SORCS1: variants seen among roughly 807,000 people sequenced by gnomAD.
The protein encoded by SORCS1 is VPS10 domain-containing receptor SorCS1.
In SORCS1, 60 loss-of-function variants were observed where a neutral mutation model predicts 146.1. The ratio of observed to expected loss-of-function variants is 0.41; its 90% CI spans 0.33 to 0.51. The LOEUF is 0.51. SORCS1 is among the 20% of genes least tolerant of loss of function. The pLI is 0.21. For missense variants in SORCS1, 1,352 were observed against 1,487.6 expected, an observed-to-expected ratio of 0.91 and a Z score of 1.50; for synonymous variants, 637 against 584.0, an observed-to-expected ratio of 1.09 and a Z score of -1.31.
At chr10:106,801,753 A>C (rs560233739) in intron 3 of SORCS1, among the ~76,000 whole-genome samples, 64 of 152,218 alleles carry the variant, frequency 4.2e-4, no homozygotes, top group African/African-American at 1.5e-3. Context: ...GACGGTCTCG[A>C]TCTCCTGACC....
At chr10:106,921,515 G>C (rs2138410516) in intron 2 of SORCS1, among the ~76,000 whole-genome samples, 1 of 152,210 alleles carries the variant, frequency 6.6e-6, no homozygotes, top group East Asian at 1.9e-4. Flanking sequence ...TCCTCTATTT[G>C]ATTGAAGAGC....
chr10:106,626,704 G>A (rs1848135631), intron 19 of SORCS1, among the ~76,000 whole-genome samples: 2 of 152,152 alleles, frequency 1.3e-5, no homozygotes, highest in African/African-American at 4.8e-5. Context: ...AAGAGTTTGT[G>A]GGCATAGCAA....
intron 2 of SORCS1, among the ~76,000 whole-genome samples, chr10:106,944,639 T>C (rs1231800135): frequency 1.3e-5 from 2 of 152,198 alleles, no homozygotes; most frequent in Admixed American, 6.5e-5. Context: ...TCTATGTATG[T>C]ACGTATTTAT....
chr10:106,878,632 A>ATATATGTATATATATATATATATATATG (rs1564765017), intron 2 of SORCS1, among the ~76,000 whole-genome samples: 2 of 133,922 alleles, frequency 1.5e-5, no homozygotes, highest in African/African-American at 2.7e-5. Context: ...ATATATATAT[A>ATATATGTATATATATATATATATATATG]TATATATATA....
At chr10:107,110,658 A>G (rs1385193411) in intron 1 of SORCS1, among the ~76,000 whole-genome samples, 1 of 147,780 alleles carries the variant, frequency 6.8e-6, no homozygotes, top group African/African-American at 2.5e-5. Context: ...TGGGGATTAC[A>G]ATTCAACGTG....
the SORCS1 span, among the ~76,000 whole-genome samples, chr10:107,174,110 CCATT>C: frequency 6.6e-6 from 1 of 152,070 alleles, no homozygotes; most frequent in Non-Finnish European, 1.5e-5. Context: ...GACCTCCCAT[CCATT>C]AATATATTAT....
At chr10:106,809,973 C>A (rs1947377327) in intron 3 of SORCS1, among the ~76,000 whole-genome samples, 1 of 152,218 alleles carries the variant, frequency 6.6e-6, no homozygotes, top group Admixed American at 6.5e-5. Flanking sequence ...GTAATCCCAG[C>A]ATTTCGGAAG....
intron 3 of SORCS1, among the ~76,000 whole-genome samples, chr10:106,813,384 C>T (rs770632728): frequency 6.6e-6 from 1 of 151,800 alleles, no homozygotes; most frequent in Non-Finnish European, 1.5e-5. Flanking sequence ...CTACCTACCT[C>T]GGCCTCCCAA....
chr10:106,771,510 C>G (rs1860021206), intron 4 of SORCS1, among the ~76,000 whole-genome samples: 1 of 152,192 alleles, frequency 6.6e-6, no homozygotes, highest in African/African-American at 2.4e-5. Flanking sequence ...CTTATCTGCT[C>G]AGTTTCCAAA....
intron 23 of SORCS1, among the ~76,000 whole-genome samples, chr10:106,599,938 T>G (rs1328129483): frequency 6.6e-6 from 1 of 151,782 alleles, no homozygotes; most frequent in Non-Finnish European, 1.5e-5. Flanking sequence ...CATCCGGCTA[T>G]TTTGTTGTTT....
At chr10:106,832,885 T>C (rs1436851062) in intron 2 of SORCS1, among the ~76,000 whole-genome samples, 2 of 152,168 alleles carry the variant, frequency 1.3e-5, no homozygotes, top group Non-Finnish European at 2.9e-5. Flanking sequence ...TAATTTCTAT[T>C]AACTTGATCC....
chr10:107,019,385 C>A (rs529005607), intron 1 of SORCS1, among the ~76,000 whole-genome samples: 2 of 152,146 alleles, frequency 1.3e-5, no homozygotes, highest in Non-Finnish European at 2.9e-5. Flanking sequence ...TCAGCATAGT[C>A]CCTATCATTC....
At chr10:106,673,657 T>C (rs1266422891) in intron 14 of SORCS1, among the ~76,000 whole-genome samples, 2 of 152,222 alleles carry the variant, frequency 1.3e-5, no homozygotes, top group Non-Finnish European at 2.9e-5. Flanking sequence ...AAGATTAGAC[T>C]TCTAGGTTAT....
At chr10:106,709,134 C>G in intron 7 of SORCS1, 89 bp downstream of exon 7, 1 of 952,862 alleles carries the variant, frequency 1.0e-6, no homozygotes, top group Non-Finnish European at 1.7e-6. Context: ...CTCTTTTTGA[C>G]TCTTAATGGA....
chr10:106,806,639 C>A (rs1398062255), intron 3 of SORCS1, among the ~76,000 whole-genome samples: 3 of 150,116 alleles, frequency 2.0e-5, no homozygotes, highest in African/African-American at 7.3e-5. Flanking sequence ...CCTCAGCCTC[C>A]CGAGTAGCTG....
chr10:106,706,420 CAG>C lies in SORCS1; in HGVS notation c.1233+123_1233+124del, dbSNP rs1854534089. On this transcript the variant is annotated intron_variant, in intron 8 of 25. Coordinates refer to ENST00000263054, the MANE Select transcript of SORCS1 (RefSeq NM_052918.5). ...AGTAAGGCAGAGCAAACTTGGGAAA[CAG>C]AGATGAGAGATGTAAAGAAAACATG... is the stretch of plus-strand genomic sequence containing the variant. 6.6e-6 allele frequency: 6 copies of C among 902,712 alleles called. No homozygotes were observed. In the East Asian group the frequency reaches 1.5e-4, roughly 23 times the overall value. The allele number at this position is 902,712 out of a possible 1,614,324, so 55.9% of individuals were successfully genotyped here. A position where few individuals can be genotyped will look rare whatever the true frequency, so the allele number is the denominator to read the frequency against.
At chr10:107,121,297 CA>C (rs1966394611) in intron 1 of SORCS1, among the ~76,000 whole-genome samples, 3 of 152,110 alleles carry the variant, frequency 2.0e-5, no homozygotes, top group African/African-American at 7.2e-5. Flanking sequence ...TTTGACAAAA[CA>C]AAAAGTTTCA....
intron 2 of SORCS1, among the ~76,000 whole-genome samples, chr10:106,834,413 T>TTA (rs1177130302): frequency 6.6e-6 from 1 of 152,234 alleles, no homozygotes; most frequent in Non-Finnish European, 1.5e-5. Context: ...TATTCTAATA[T>TTA]ACATTGAACC....
intron 2 of SORCS1, among the ~76,000 whole-genome samples, chr10:106,875,750 C>T (rs1001110602): frequency 6.6e-6 from 1 of 151,870 alleles, no homozygotes; most frequent in African/African-American, 2.4e-5. Context: ...ATTTGTATAT[C>T]TTCTTTTGAG....
Sources: gnomAD v4.1 joint callset for allele counts (sites outside exome capture counted in the v4.1 genomes callset) on GRCh38, gnomAD v4.1.1 for gene constraint, MANE v1.5 for transcripts, NCBI Gene and HGNC (gene_info 2026-07-23, HGNC 2026-07-21) for gene names.